Variants in GRID2 observed in about 807,000 individuals in gnomAD.
GRID2 encodes glutamate receptor ionotropic, delta-2.
A neutral mutation model predicts 114.8 loss-of-function variants in GRID2; 33 were observed. The ratio of observed to expected loss-of-function variants is 0.29; its 90% CI spans 0.22 to 0.38. The LOEUF (loss-of-function observed/expected upper bound fraction) is 0.38, where lower values mean the gene tolerates loss of function less well. Among genes scored for constraint, GRID2 ranks in the 10% least tolerant of loss-of-function variants. GRID2 has a pLI of 1.00. For missense variants in GRID2, 1,184 were observed against 1,257.7 expected (o/e 0.94, Z 0.89); for synonymous variants, 505 against 449.9 (o/e 1.12, Z -1.55).
At chr4:92,778,383 T>C (rs1274046516) in intron 2 of GRID2, among the ~76,000 whole-genome samples, 1 of 152,126 alleles carries the variant, frequency 6.6e-6, no homozygotes, top group African/African-American at 2.4e-5. Context: ...GCAATTTGTA[T>C]GATTTTGCCT....
intron 2 of GRID2, among the ~76,000 whole-genome samples, chr4:92,847,846 C>T (rs1254599569): frequency 6.6e-6 from 1 of 151,844 alleles, no homozygotes; most frequent in Non-Finnish European, 1.5e-5. Flanking sequence ...ATAAAGTATA[C>T]TAAAATACTT....
intron 8 of GRID2, among the ~76,000 whole-genome samples, chr4:93,371,545 C>G (rs1274642214): frequency 6.6e-6 from 1 of 152,106 alleles, no homozygotes; most frequent in African/African-American, 2.4e-5. Flanking sequence ...GGACCACTTA[C>G]ATTTCTTTGA....
intron 2 of GRID2, among the ~76,000 whole-genome samples, chr4:92,818,340 T>C (rs188470625): frequency 7.8e-4 from 119 of 152,226 alleles, no homozygotes; most frequent in Non-Finnish European, 1.2e-3. Flanking sequence ...CAAGAGAGAC[T>C]AAAAGTGTCA....
chr4:92,543,799 TAAC>T (rs1182241624), intron 1 of GRID2, among the ~76,000 whole-genome samples: 3 of 152,150 alleles, frequency 2.0e-5, no homozygotes, highest in Non-Finnish European at 4.4e-5. Context: ...TTCAAGGCAA[TAAC>T]AAAATCAATT....
At chr4:93,158,338 T>C (rs955210726) in intron 4 of GRID2, among the ~76,000 whole-genome samples, 1 of 151,852 alleles carries the variant, frequency 6.6e-6, no homozygotes, top group Non-Finnish European at 1.5e-5. Flanking sequence ...TTTTAAAACA[T>C]GAAATTCTTT....
intron 1 of GRID2, among the ~76,000 whole-genome samples, chr4:92,524,010 T>C (rs1452580240): frequency 1.3e-5 from 2 of 152,110 alleles, no homozygotes; most frequent in Admixed American, 1.3e-4. Flanking sequence ...AATTTTACTT[T>C]ACTGTTAACA....
intron 13 of GRID2, among the ~76,000 whole-genome samples, chr4:93,537,060 T>A (rs1732164867): frequency 6.6e-6 from 1 of 151,714 alleles, no homozygotes; most frequent in African/African-American, 2.4e-5. Context: ...TGAAATCTTA[T>A]AAGCTTCTAC....
chr4:92,801,360 AT>A (rs774734870), intron 2 of GRID2, among the ~76,000 whole-genome samples: 3 of 151,900 alleles, frequency 2.0e-5, no homozygotes, highest in African/African-American at 4.8e-5. Context: ...AAATTTTGTT[AT>A]TTTTTATGCA....
chr4:93,373,848 G>T (rs1176652670), intron 8 of GRID2, among the ~76,000 whole-genome samples: 2 of 152,154 alleles, frequency 1.3e-5, no homozygotes, highest in African/African-American at 2.4e-5. Context: ...GCCGGGAAAG[G>T]CTGCTACAGT....
chr4:92,684,941 T>C (rs187746568), intron 2 of GRID2, among the ~76,000 whole-genome samples: 107 of 152,192 alleles, frequency 7.0e-4, no homozygotes, highest in African/African-American at 2.4e-3. Flanking sequence ...TGATAGTGTC[T>C]GACATGAATG....
intron 8 of GRID2, among the ~76,000 whole-genome samples, chr4:93,387,240 T>C (rs1011721694): frequency 3.3e-5 from 5 of 152,236 alleles, no homozygotes; most frequent in African/African-American, 9.6e-5. Flanking sequence ...GATTAGGTAT[T>C]ACTCTTATTA....
intron 2 of GRID2, among the ~76,000 whole-genome samples, chr4:92,791,845 T>C (rs531018009): frequency 1.3e-5 from 2 of 151,984 alleles, no homozygotes; most frequent in South Asian, 4.1e-4. Flanking sequence ...CAAACTCGAA[T>C]TGGAAGAACT....
chr4:93,598,380 T>G (rs1471817347), intron 13 of GRID2, among the ~76,000 whole-genome samples: 3 of 152,164 alleles, frequency 2.0e-5, no homozygotes, highest in Non-Finnish European at 2.9e-5. Context: ...CACTCATTCC[T>G]TCTCATGCTT....
Position 93,210,669 on chromosome 4 carries a change from A to G in GRID2, c.789+3212A>G, listed in dbSNP as rs150789250. On this transcript the variant is annotated intron_variant, in intron 5 of 15. Transcript: ENST00000282020. ...GCTCAATTTGTACTTTGGGAGAAAT[A>G]GCCTCTTCATATTATATAGGTGTAA... Among the ~76,000 whole-genome samples the G allele has an allele frequency of 8.7e-3, 1,331 of 152,182 alleles. 19 individuals carry two copies. Among genetic ancestry groups the G allele is most frequent in the African/African-American group, 0.031 (1,267 of 41,538 alleles).
chr4:92,776,213 CTT>C (rs1048281808), intron 2 of GRID2, among the ~76,000 whole-genome samples: 28 of 152,136 alleles, frequency 1.8e-4, no homozygotes, highest in African/African-American at 6.0e-4. Context: ...AAATAAATAA[CTT>C]TTGTGAAATA....
chr4:93,424,229 A>G (rs75835076), intron 10 of GRID2, among the ~76,000 whole-genome samples: 2 of 151,666 alleles, frequency 1.3e-5, no homozygotes, highest in African/African-American at 4.8e-5. Context: ...AAAAAAAAAA[A>G]GACAGTTGCT....
intron 13 of GRID2, among the ~76,000 whole-genome samples, chr4:93,593,027 T>C (rs1247060865): frequency 7.2e-5 from 11 of 151,954 alleles, no homozygotes; most frequent in Non-Finnish European, 1.6e-4. Context: ...CCAGTCTGTG[T>C]CTTTTAATTG....
intron 2 of GRID2, among the ~76,000 whole-genome samples, chr4:92,636,508 C>G (rs1186060994): frequency 6.6e-6 from 1 of 152,018 alleles, no homozygotes; most frequent in African/African-American, 2.4e-5. Flanking sequence ...CTCCCTCTAT[C>G]CATCCATCAC....
At chr4:92,618,951 C>T (rs1372342895) in intron 2 of GRID2, among the ~76,000 whole-genome samples, 1 of 151,638 alleles carries the variant, frequency 6.6e-6, no homozygotes, top group Non-Finnish European at 1.5e-5. Context: ...TTTCTAGATC[C>T]TGTCTTCTGA....
Sources: allele counts gnomAD v4.1 joint callset (sites outside exome capture counted in the v4.1 genomes callset), GRCh38; gene constraint gnomAD v4.1.1; transcripts MANE v1.5; gene names NCBI Gene and HGNC (gene_info 2026-07-23, HGNC 2026-07-21).